The following TMEM132B variants were observed in gnomAD, a reference collection of about 807,000 sequenced individuals.
The protein encoded by TMEM132B is transmembrane protein 132B.
A neutral mutation model predicts 90.8 loss-of-function variants in TMEM132B; 18 were observed. The observed-to-expected ratio is 0.20, with a 90% confidence interval of 0.14 to 0.29. The LOEUF (loss-of-function observed/expected upper bound fraction) is 0.29, where lower values mean the gene tolerates loss of function less well. Among genes scored for constraint, TMEM132B ranks in the 10% least tolerant of loss-of-function variants. TMEM132B has a pLI of 1.00. For synonymous variants in TMEM132B, 504 were observed against 523.3 expected (o/e 0.96, Z 0.50); for missense variants, 1,096 against 1,326.8 (o/e 0.83, Z 2.70).
intron 1 of TMEM132B, among the ~76,000 whole-genome samples, chr12:125,306,618 C>T (rs1446422245): frequency 6.6e-6 from 1 of 152,170 alleles, no homozygotes; most frequent in Admixed American, 6.5e-5. Context: ...CTCTGTCTTC[C>T]AAATATATTC....
At chr12:125,319,170 C>T (rs531434014) in intron 1 of TMEM132B, among the ~76,000 whole-genome samples, 4 of 152,310 alleles carry the variant, frequency 2.6e-5, no homozygotes, top group Admixed American at 6.5e-5. Context: ...AATTTAGTCC[C>T]CATGACTACA....
At chr12:125,463,374 G>T (rs1881487685) in intron 3 of TMEM132B, among the ~76,000 whole-genome samples, 1 of 152,136 alleles carries the variant, frequency 6.6e-6, no homozygotes, top group African/African-American at 2.4e-5. Flanking sequence ...AGTGTGATGT[G>T]CATTTCAGAG....
rs199976507 is a variant in TMEM132B at position 125,583,977 on chromosome 12, G to A, written c.1420G>A (p.Asp474Asn). 5.3e-5 allele frequency: 86 copies of A among 1,614,044 alleles called. No individual in the cohort carries two copies. The highest frequency in any genetic ancestry group is 3.2e-4 in the Admixed American group (19 of 60,004). ...VSESVECKSA[D>N]EDVIKVSNNC... The stretch of plus-strand genomic sequence containing the variant: ...TGAGTCTGTGGAATGCAAGTCTGCC[G>A]ATGAAGATGTCATTAAGGTAAGGGG... Residue 474 changes from aspartate (D) to asparagine (N), a missense_variant, in exon 5 of 9, where the codon GAT (aspartate) becomes AAT (asparagine). Coordinates refer to ENST00000682704, the MANE Select transcript of TMEM132B (RefSeq NM_001366854.1).
chr12:125,391,687 A>G (rs529340822), intron 2 of TMEM132B, among the ~76,000 whole-genome samples: 1 of 152,298 alleles, frequency 6.6e-6, no homozygotes, highest in East Asian at 1.9e-4. Flanking sequence ...ACAGAACCCC[A>G]CAAGTATATC....
intron 6 of TMEM132B, among the ~76,000 whole-genome samples, chr12:125,647,446 A>T (rs1342887319): frequency 1.3e-5 from 2 of 152,242 alleles, no homozygotes; most frequent in Non-Finnish European, 2.9e-5. Flanking sequence ...AAAGACAAAG[A>T]CAGTCTTAAA....
intron 5 of TMEM132B, among the ~76,000 whole-genome samples, chr12:125,608,352 T>C (rs1171787579): frequency 2.6e-5 from 4 of 152,220 alleles, no homozygotes; most frequent in African/African-American, 9.6e-5. Flanking sequence ...TAAGCATTTG[T>C]GGATTTTTAT....
intron 3 of TMEM132B, among the ~76,000 whole-genome samples, chr12:125,483,657 A>T (rs1882119941): frequency 6.6e-6 from 1 of 152,228 alleles, no homozygotes; most frequent in Non-Finnish European, 1.5e-5. Context: ...TATTAGGAGG[A>T]TGCTGGATTT....
chr12:125,653,030 T>C (rs1271298098), intron 8 of TMEM132B, among the ~76,000 whole-genome samples: 1 of 152,226 alleles, frequency 6.6e-6, no homozygotes, highest in Non-Finnish European at 1.5e-5. Flanking sequence ...ACAATAAGTA[T>C]GGTCAACTCT....
At chr12:125,469,828 G>A (rs1881663554) in intron 3 of TMEM132B, among the ~76,000 whole-genome samples, 2 of 152,150 alleles carry the variant, frequency 1.3e-5, no homozygotes, top group African/African-American at 4.8e-5. Flanking sequence ...GCAGAGTGCT[G>A]CAATCATGAT....
At chr12:125,295,538 GAGAGACAGAGAC>G (rs1178194399) in intron 1 of TMEM132B, among the ~76,000 whole-genome samples, 12 of 148,938 alleles carry the variant, frequency 8.1e-5, no homozygotes, top group Admixed American at 7.4e-4. Flanking sequence ...GAGAGAGAGA[GAGAGACAGAGAC>G]AGAGACAGAG....
chr12:125,218,450 T>A (rs1342466880), intron 1 of TMEM132B, among the ~76,000 whole-genome samples: 2 of 152,316 alleles, frequency 1.3e-5, no homozygotes, highest in South Asian at 2.1e-4. Flanking sequence ...GAAATTGTAA[T>A]GTTTTGTATC....
At position 125,628,585 on chromosome 12, in the gene TMEM132B, C is replaced by T. The variant is rs559313243; in HGVS notation, c.1438-15491C>T. Among the ~76,000 whole-genome samples the T allele has an allele frequency of 2.2e-3, 337 of 152,154 alleles. 1 individual carries two copies. Among genetic ancestry groups the T allele is most frequent in the African/African-American group, 7.3e-3 (304 of 41,524 alleles). On this transcript the variant is annotated intron_variant, in intron 5 of 8. Coordinates refer to ENST00000682704, the MANE Select transcript of TMEM132B (RefSeq NM_001366854.1). ...TGAATAGTCTGCAAGTATTTCTATC[C>T]CGTTCTGTGGGTTGTCTCTTTACTT...
chr12:125,510,465 G>A (rs1027178616), intron 3 of TMEM132B, among the ~76,000 whole-genome samples: 1 of 152,178 alleles, frequency 6.6e-6, no homozygotes, highest in African/African-American at 2.4e-5. Flanking sequence ...AGATGGAGAG[G>A]TTTTGGAGTA....
At chr12:125,621,374 T>G (rs373389091) in intron 5 of TMEM132B, among the ~76,000 whole-genome samples, 1 of 151,974 alleles carries the variant, frequency 6.6e-6, no homozygotes, top group Admixed American at 6.6e-5. Context: ...ATGTAAGGAA[T>G]GATGATCTCT....
chr12:125,401,217 A>T (rs974944603), intron 2 of TMEM132B, among the ~76,000 whole-genome samples: 13 of 152,226 alleles, frequency 8.5e-5, no homozygotes, highest in African/African-American at 3.1e-4. Flanking sequence ...AAGACCCTTC[A>T]TTCGACCAAT....
At chr12:125,644,592 T>C (rs1886713084) in intron 6 of TMEM132B, among the ~76,000 whole-genome samples, 1 of 152,198 alleles carries the variant, frequency 6.6e-6, no homozygotes, top group South Asian at 2.1e-4. Flanking sequence ...ATAGCTATTT[T>C]CTATTCCTTA....
chr12:125,288,152 G>A (rs572408968), intron 1 of TMEM132B, among the ~76,000 whole-genome samples: 139 of 151,808 alleles, frequency 9.2e-4, no homozygotes, highest in African/African-American at 3.2e-3. Flanking sequence ...GGGATTACAG[G>A]TGTGAGCCAC....
chr12:125,569,003 G>A (rs757887465), intron 4 of TMEM132B, among the ~76,000 whole-genome samples: 4 of 152,146 alleles, frequency 2.6e-5, no homozygotes, highest in Non-Finnish European at 5.9e-5. Flanking sequence ...GGGGTTGGGC[G>A]AGTCCCAGCT....
At chr12:125,377,253 C>T (rs577771608) in intron 2 of TMEM132B, among the ~76,000 whole-genome samples, 41 of 152,252 alleles carry the variant, frequency 2.7e-4, no homozygotes, top group African/African-American at 9.6e-4. Flanking sequence ...GAGAGAGTTC[C>T]CAGAGCTGGG....
Sources: gnomAD v4.1 joint callset for allele counts (sites outside exome capture counted in the v4.1 genomes callset) on GRCh38, gnomAD v4.1.1 for gene constraint, MANE v1.5 for transcripts, NCBI Gene and HGNC (gene_info 2026-07-23, HGNC 2026-07-21) for gene names.